Variants in POFUT3 observed in about 807,000 individuals in gnomAD.
POFUT3 encodes the protein protein O-fucosyltransferase 3.
the POFUT3 span, among the ~76,000 whole-genome samples, chr8:33,376,363 C>A: frequency 1.4e-4 from 22 of 152,204 alleles, no homozygotes; most frequent in Admixed American, 3.9e-4. Flanking sequence ...ATTGGCTCAA[C>A]ATATTTTCTT....
At chr8:33,318,613 GTATATATATTTATA>G in the POFUT3 span, among the ~76,000 whole-genome samples, 1 of 71,794 alleles carries the variant, frequency 1.4e-5, no homozygotes, top group Non-Finnish European at 2.3e-5. Flanking sequence ...TAAATATATT[GTATATATATTTATA>G]TAATATATAA....
At chr8:33,328,133 C>T in the POFUT3 span, among the ~76,000 whole-genome samples, 2 of 152,132 alleles carry the variant, frequency 1.3e-5, no homozygotes, top group Non-Finnish European at 2.9e-5. Context: ...TGATTAAATT[C>T]ATTCAAGACA....
At chr8:33,461,625 G>A in the POFUT3 span, 3 of 1,530,462 alleles carry the variant, frequency 2.0e-6, no homozygotes, top group Non-Finnish European at 2.6e-6. Flanking sequence ...GAGGTTGTGA[G>A]AGGGTCTGGC....
chr8:33,353,475 T>C, the POFUT3 span, among the ~76,000 whole-genome samples: 2 of 152,346 alleles, frequency 1.3e-5, no homozygotes, highest in African/African-American at 2.4e-5. Flanking sequence ...CCCGGAGTTC[T>C]ACAGCCATCC....
the POFUT3 span, chr8:33,451,975 C>T: frequency 6.6e-6 from 1 of 152,034 alleles, no homozygotes; most frequent in Non-Finnish European, 1.5e-5. Flanking sequence ...CTGGTCCCAC[C>T]CTTGACACAT....
the POFUT3 span, chr8:33,389,507 G>T: frequency 6.2e-7 from 1 of 1,614,168 alleles, no homozygotes; most frequent in Non-Finnish European, 8.5e-7. Flanking sequence ...GTCTGATGGT[G>T]GGTCACAGTC....
At chr8:33,470,559 T>C in the POFUT3 span, among the ~76,000 whole-genome samples, 1 of 152,206 alleles carries the variant, frequency 6.6e-6, no homozygotes, top group Non-Finnish European at 1.5e-5. Context: ...TACTAATAAG[T>C]ATTAGTAACT....
chr8:33,381,994 G>C, the POFUT3 span, among the ~76,000 whole-genome samples: 1 of 152,080 alleles, frequency 6.6e-6, no homozygotes, highest in Non-Finnish European at 1.5e-5. Flanking sequence ...CAACTAGTTT[G>C]TTTAATAAAG....
At chr8:33,403,361 TGAG>T in the POFUT3 span, among the ~76,000 whole-genome samples, 4 of 152,044 alleles carry the variant, frequency 2.6e-5, no homozygotes, top group Admixed American at 2.6e-4. Flanking sequence ...TCACTACTGA[TGAG>T]TAGTGAAGTC....
At chr8:33,357,728 A>C in the POFUT3 span, among the ~76,000 whole-genome samples, 1 of 151,986 alleles carries the variant, frequency 6.6e-6, no homozygotes, top group Admixed American at 6.6e-5. Context: ...TACATAAAAA[A>C]CTGTCCTGTA....
chr8:33,429,563 G>C, the POFUT3 span, among the ~76,000 whole-genome samples: 7 of 152,248 alleles, frequency 4.6e-5, no homozygotes, highest in African/African-American at 1.4e-4. Context: ...TGGCAGAAAT[G>C]CATGAAGCAA....
the POFUT3 span, among the ~76,000 whole-genome samples, chr8:33,370,054 A>C: frequency 6.6e-6 from 1 of 151,814 alleles, no homozygotes; most frequent in Non-Finnish European, 1.5e-5. Flanking sequence ...TTGAATGGCC[A>C]GGCGCAGTGG....
At chr8:33,380,217 ATATATATATATAC>A in the POFUT3 span, among the ~76,000 whole-genome samples, 16 of 51,554 alleles carry the variant, frequency 3.1e-4, no homozygotes, top group East Asian at 1.2e-3. Context: ...TATATATACT[ATATATATATATAC>A]TATATATATA....
At chr8:33,401,983 G>A in the POFUT3 span, among the ~76,000 whole-genome samples, 65 of 151,900 alleles carry the variant, frequency 4.3e-4, 1 homozygote, top group East Asian at 0.011. Flanking sequence ...CCGAGATCAC[G>A]CCACCGCACT....
chr8:33,433,273 C>T, the POFUT3 span, among the ~76,000 whole-genome samples: 1 of 151,952 alleles, frequency 6.6e-6, no homozygotes, highest in African/African-American at 2.4e-5. Context: ...TCAAAAATAG[C>T]CCTGCAGAGT....
the POFUT3 span, among the ~76,000 whole-genome samples, chr8:33,425,662 T>C: frequency 0.69 from 105,312 of 151,756 alleles, 37,559 homozygotes; most frequent in African/African-American, 0.86. Flanking sequence ...TGCCTCATGC[T>C]TGTAATCCTA....
chr8:33,389,323 A>G, the POFUT3 span: 3 of 1,614,172 alleles, frequency 1.9e-6, no homozygotes, highest in Non-Finnish European at 2.5e-6. Context: ...AGTCATCACA[A>G]ACTGCATTCT....
chr8:33,463,504 CAAA>C, the POFUT3 span, among the ~76,000 whole-genome samples: 1 of 136,372 alleles, frequency 7.3e-6, no homozygotes, highest in Non-Finnish European at 1.6e-5. Flanking sequence ...GACTGCGTCT[CAAA>C]AAAAAAAAAA....
At chr8:33,415,421 A>G in the POFUT3 span, among the ~76,000 whole-genome samples, 6 of 152,284 alleles carry the variant, frequency 3.9e-5, no homozygotes, top group African/African-American at 1.4e-4. Context: ...AAGAGAACCC[A>G]GGGGACACTT....
Sources: gnomAD v4.1 joint callset for allele counts (sites outside exome capture counted in the v4.1 genomes callset) on GRCh38, gnomAD v4.1.1 for gene constraint, MANE v1.5 for transcripts, NCBI Gene and HGNC (gene_info 2026-07-23, HGNC 2026-07-21) for gene names.